Variants in ZC2HC1B observed in about 807,000 individuals in gnomAD.
The protein encoded by ZC2HC1B is zinc finger C2HC domain-containing protein 1B.
ZC2HC1B carries 36 observed loss-of-function variants against 31.0 expected under a neutral mutation model. The ratio of observed to expected loss-of-function variants is 1.16; its 90% CI spans 0.89 to 1.54. ZC2HC1B has a LOEUF of 1.54. Ranked by LOEUF, ZC2HC1B falls within the 40% of genes most tolerant of loss-of-function variation. The probability of loss-of-function intolerance (pLI) is 0.00; values close to 1 mark genes in which losing one functional copy is unlikely to be tolerated. For synonymous variants in ZC2HC1B, 73 were observed against 88.0 expected, an observed-to-expected ratio of 0.83 and a Z score of 0.95; for missense variants, 260 against 268.6, an observed-to-expected ratio of 0.97 and a Z score of 0.22.
Position 143,903,294 on chromosome 6 carries a change from T to A in ZC2HC1B, c.598+142T>A, listed in dbSNP as rs2128495272. 1.4e-6 allele frequency: 1 copy of A among 704,968 alleles called. No individual in the cohort carries two copies. Among genetic ancestry groups the A allele is most frequent in the South Asian group, 1.9e-5 (1 of 53,102 alleles). 43.7% of individuals were successfully genotyped at this position (704,968 alleles called of 1,614,324 possible). ...ATGCAAAGATATTTGGGTTAGAGGT[T>A]AAAGCTTATTTGCCAAAAGGGAATA... On this transcript the variant is annotated intron_variant, in intron 6 of 7. Transcript: ENST00000237275. The surrounding 1 kb of genome is among the most constrained non-coding windows in gnomAD (Gnocchi z 4.3).
At chr6:143,897,164 A>G (rs1013676007) in intron 4 of ZC2HC1B, among the ~76,000 whole-genome samples, 2 of 152,038 alleles carry the variant, frequency 1.3e-5, no homozygotes, top group Non-Finnish European at 2.9e-5. Flanking sequence ...AAAATTCTTA[A>G]CATCACTACA....
rs545006630 is a variant in ZC2HC1B, at chr6:143,871,920, C to T, written c.28+7353C>T. Among the ~76,000 whole-genome samples, 11 of 152,236 alleles carry T rather than the reference C, an allele frequency of 7.2e-5. No individual in the cohort carries two copies. Among genetic ancestry groups the T allele is most frequent in the Admixed American group, 2.0e-4 (3 of 15,298 alleles). The stretch of plus-strand genomic sequence containing the variant: ...GGGATCCACTGGACCCACTGTAATT[C>T]GGACCTGAGCTGAAACTCCATTATT... On this transcript the variant is annotated intron_variant, in intron 1 of 7. Coordinates refer to ENST00000237275, the MANE Select transcript of ZC2HC1B (RefSeq NM_001013623.3). The surrounding 1 kb of genome is among the most constrained non-coding windows in gnomAD (Gnocchi z 4.1).
chr6:143,889,958 G>A (rs775549477), intron 4 of ZC2HC1B, among the ~76,000 whole-genome samples: 7 of 152,078 alleles, frequency 4.6e-5, no homozygotes, highest in African/African-American at 7.2e-5. Flanking sequence ...TACATAATAT[G>A]TTCTCTGATC....
At chr6:143,906,442 A>ATT in intron 6 of ZC2HC1B, among the ~76,000 whole-genome samples, 1 of 149,584 alleles carries the variant, frequency 6.7e-6, no homozygotes, top group Middle Eastern at 3.5e-3. Context: ...TTTAATTTTA[A>ATT]TTTTTTTTTG....
At chr6:143,896,727 G>A (rs535274754) in intron 4 of ZC2HC1B, among the ~76,000 whole-genome samples, 124 of 152,296 alleles carry the variant, frequency 8.1e-4, no homozygotes, top group Middle Eastern at 3.4e-3. Context: ...GGAAGCTTAA[G>A]GAGGTTGGGT....
rs1461490383 is a variant in ZC2HC1B, at chr6:143,871,952, C to T, written c.28+7385C>T. Among the ~76,000 whole-genome samples, 1 of 152,146 alleles carries T rather than the reference C, an allele frequency of 6.6e-6. No homozygotes were observed. Among genetic ancestry groups the T allele is most frequent in the East Asian group, 1.9e-4 (1 of 5,192 alleles). ...GAGCTGAAACTCCATTATTACCTGA[C>T]CTCCATAAGCCCGTACGTTAACTGG... On this transcript the variant is annotated intron_variant, in intron 1 of 7. Coordinates refer to ENST00000237275, the MANE Select transcript of ZC2HC1B (RefSeq NM_001013623.3). This position sits in a 1 kb window ranked among gnomAD's most constrained non-coding sequence, Gnocchi z 4.1.
intron 6 of ZC2HC1B, among the ~76,000 whole-genome samples, 156 bp from the exon 7 acceptor site, chr6:143,937,493 A>C: frequency 6.7e-6 from 1 of 149,974 alleles, no homozygotes; most frequent in Admixed American, 6.7e-5. Context: ...TAGCTACCCC[A>C]CCCTCATTGC....
At chr6:143,891,566 G>A (rs1186232665) in intron 4 of ZC2HC1B, among the ~76,000 whole-genome samples, 1 of 151,952 alleles carries the variant, frequency 6.6e-6, no homozygotes, top group East Asian at 1.9e-4. Context: ...GCTGGATGTG[G>A]TGGTGGGCAT....
chr6:143,888,691 T>A (rs1414249128), intron 4 of ZC2HC1B, among the ~76,000 whole-genome samples: 1 of 152,078 alleles, frequency 6.6e-6, no homozygotes, highest in Non-Finnish European at 1.5e-5. Flanking sequence ...TTCATATTGT[T>A]CATTTTTAGT....
chr6:143,875,621 A>G (rs1777396687), intron 1 of ZC2HC1B, among the ~76,000 whole-genome samples: 1 of 150,698 alleles, frequency 6.6e-6, no homozygotes, highest in Admixed American at 6.6e-5. Context: ...TTCTGTTTAT[A>G]TAAGTTAGAA....
rs563551982 is a variant in ZC2HC1B at position 143,910,428 on chromosome 6, G to T, written c.598+7276G>T. Among the ~76,000 whole-genome samples the T allele has an allele frequency of 2.1e-3, 319 of 152,336 alleles. 1 individual carries two copies. The highest frequency in any genetic ancestry group is 7.2e-3 in the African/African-American group (300 of 41,584). ...GTTAAGTGCCATGTGGCAATGAGAA[G>T]AATGTATATTCTGTTGTTTTGGGGT... On this transcript the variant is annotated intron_variant, in intron 6 of 7. Coordinates refer to ENST00000237275, the MANE Select transcript of ZC2HC1B (RefSeq NM_001013623.3).
intron 4 of ZC2HC1B, among the ~76,000 whole-genome samples, chr6:143,891,127 T>C (rs1486329423): frequency 7.7e-6 from 1 of 129,288 alleles, no homozygotes; most frequent in African/African-American, 3.2e-5. Context: ...CAAGACTCCA[T>C]CTCAAAAAAA....
intron 6 of ZC2HC1B, among the ~76,000 whole-genome samples, chr6:143,919,223 G>C (rs959360796): frequency 7.2e-4 from 77 of 106,566 alleles, no homozygotes; most frequent in Middle Eastern, 4.2e-3. Context: ...TTCTCTGTGT[G>C]TGTGTGTGTG....
chr6:143,874,080 C>T (rs1165375867), intron 1 of ZC2HC1B, among the ~76,000 whole-genome samples: 1 of 152,136 alleles, frequency 6.6e-6, no homozygotes, highest in Non-Finnish European at 1.5e-5. Context: ...TTGATGCTTT[C>T]CTGCTTAGAA....
At chr6:143,925,455 T>C (rs1014331827) in intron 6 of ZC2HC1B, among the ~76,000 whole-genome samples, 14 of 151,252 alleles carry the variant, frequency 9.3e-5, no homozygotes, top group African/African-American at 3.2e-4. Context: ...AGATTACAGG[T>C]GTGAGCCACT....
chr6:143,915,450 GGC>G lies in ZC2HC1B; in HGVS notation c.598+12301_598+12302del, dbSNP rs1475098729. On this transcript the variant is annotated intron_variant, in intron 6 of 7. Transcript: ENST00000237275. This position sits in a 1 kb window ranked among gnomAD's most constrained non-coding sequence, Gnocchi z 5.2. Reference sequence around the variant, plus strand: ...CAGTAAATTGGTACCAGTAGAGTGGGGCGCTGCTGAAAAGATATCTGAAAATG... The same window carrying G: ...CAGTAAATTGGTACCAGTAGAGTGGGGCTGCTGAAAAGATATCTGAAAATG... 6.6e-6 allele frequency among the ~76,000 whole-genome samples: 1 copy of G among 152,192 alleles called. No homozygotes were observed. The highest frequency in any genetic ancestry group is 2.4e-5 in the African/African-American group (1 of 41,442).
rs1474380171 is a variant in ZC2HC1B at position 143,885,200 on chromosome 6, G to T, written c.91-832G>T. ...TGAGGTTGTAGGTTTTATTTTTCTG[G>T]AGAATTTAAAAAATGAAATAGCTGT... On this transcript the variant is annotated intron_variant, in intron 2 of 7. Coordinates refer to ENST00000237275, the MANE Select transcript of ZC2HC1B (RefSeq NM_001013623.3). This position sits in a 1 kb window ranked among gnomAD's most constrained non-coding sequence, Gnocchi z 4.2. Among the ~76,000 whole-genome samples the T allele has an allele frequency of 6.6e-6, 1 of 152,088 alleles. No homozygotes were observed. The highest frequency in any genetic ancestry group is 1.5e-5 in the Non-Finnish European group (1 of 68,000).
chr6:143,893,913 C>T lies in ZC2HC1B; in HGVS notation c.350-4639C>T, dbSNP rs1777631303. On this transcript the variant is annotated intron_variant, in intron 4 of 7. Coordinates refer to ENST00000237275, the MANE Select transcript of ZC2HC1B (RefSeq NM_001013623.3). ...GTGTTAGCCAGGATGGTCTTGATCT[C>T]CTGACCTCGTGATCCACCCACCTCA... 3.3e-5 allele frequency among the ~76,000 whole-genome samples: 5 copies of T among 152,102 alleles called. No individual in the cohort carries two copies. In the South Asian group the frequency reaches 6.2e-4, roughly 19 times the overall value.
intron 1 of ZC2HC1B, among the ~76,000 whole-genome samples, chr6:143,876,283 A>T (rs1373507073): frequency 6.6e-6 from 1 of 150,560 alleles, no homozygotes; most frequent in African/African-American, 2.5e-5. Flanking sequence ...GCAACCAACC[A>T]GCTTCATTAT....
Sources: gnomAD v4.1 joint callset for allele counts (sites outside exome capture counted in the v4.1 genomes callset) on GRCh38, gnomAD v4.1.1 for gene constraint, Gnocchi (gnomAD v3.1) non-coding constraint, MANE v1.5 for transcripts, NCBI Gene and HGNC (gene_info 2026-07-23, HGNC 2026-07-21) for gene names.